FRMD6: variants seen among roughly 807,000 people sequenced by gnomAD.
FRMD6 encodes the protein FERM domain containing 6, also known as FERM domain-containing protein 6.
Under a neutral mutation model 73.2 loss-of-function variants are expected in FRMD6, and 37 were observed. The observed-to-expected ratio is 0.51, with a 90% CI of 0.39 to 0.66. FRMD6 has a LOEUF of 0.66. Ranked by LOEUF, FRMD6 falls within the 30% of genes least tolerant of loss-of-function variation. FRMD6 has a pLI of 0.00. For synonymous variants in FRMD6, 273 were observed against 282.2 expected (o/e 0.97, Z 0.33); for missense variants, 714 against 780.5 (o/e 0.91, Z 1.02).
At chr14:51,628,216 C>G (rs775373455) in intron 2 of FRMD6, among the ~76,000 whole-genome samples, 7 of 152,120 alleles carry the variant, frequency 4.6e-5, no homozygotes, top group Non-Finnish European at 1.5e-5. Flanking sequence ...AGAGTACAAT[C>G]TATGATATTC....
chr14:51,426,840 G>T, the FRMD6 span, among the ~76,000 whole-genome samples: 1 of 152,148 alleles, frequency 6.6e-6, no homozygotes, highest in East Asian at 1.9e-4. Flanking sequence ...GCAGGCTGTT[G>T]TGAGGAATGG....
the FRMD6 span, among the ~76,000 whole-genome samples, chr14:51,467,572 G>A: frequency 3.0e-4 from 46 of 151,954 alleles, 1 homozygote; most frequent in East Asian, 5.8e-3. Context: ...CCTCCCGGAC[G>A]GGGCGGCTGC....
At chr14:51,710,037 C>T (rs1272883987) in intron 7 of FRMD6, among the ~76,000 whole-genome samples, 13 of 152,102 alleles carry the variant, frequency 8.5e-5, no homozygotes, top group Admixed American at 8.5e-4. Flanking sequence ...GCCTTATTTG[C>T]TGGGGAAGCT....
chr14:51,530,783 G>A lies in FRMD6; in HGVS notation c.-209-39565G>A, dbSNP rs879861073. On this transcript the variant is annotated intron_variant, in intron 1 of 14. Transcript: ENST00000356218. ...ATTACAGGCAGGAACCACCATACCC[G>A]GCTGCAAGATATTTATTAATTAGAA... Among the ~76,000 whole-genome samples the A allele has an allele frequency of 4.6e-5, 7 of 152,052 alleles. No homozygotes were observed. The East Asian group carries it at 5.8e-4, about 13-fold the overall frequency.
intron 2 of FRMD6, among the ~76,000 whole-genome samples, chr14:51,618,644 G>T (rs548357992): frequency 8.1e-4 from 124 of 152,252 alleles, no homozygotes; most frequent in Middle Eastern, 3.4e-3. Flanking sequence ...AGGGCTGAGA[G>T]GTATCAAGAA....
At chr14:51,504,663 C>T (rs1883844919) in intron 1 of FRMD6, among the ~76,000 whole-genome samples, 1 of 152,150 alleles carries the variant, frequency 6.6e-6, no homozygotes, top group African/African-American at 2.4e-5. Context: ...TAAATCAGAT[C>T]CTGCTACTGC....
chr14:51,681,165 A>G (rs1030318145), intron 1 of FRMD6, among the ~76,000 whole-genome samples: 2 of 152,220 alleles, frequency 1.3e-5, no homozygotes, highest in Admixed American at 1.3e-4. Flanking sequence ...ATGCAAGTCC[A>G]CTTTAATTGG....
At chr14:51,427,663 G>A in the FRMD6 span, among the ~76,000 whole-genome samples, 1 of 152,204 alleles carries the variant, frequency 6.6e-6, no homozygotes, top group Non-Finnish European at 1.5e-5. Context: ...CAAACATGCT[G>A]TTCCCGTGTT....
At chr14:51,617,339 G>A (rs1051426898) in intron 2 of FRMD6, among the ~76,000 whole-genome samples, 3 of 152,228 alleles carry the variant, frequency 2.0e-5, no homozygotes, top group Admixed American at 6.5e-5. Context: ...AAGAGAGAAG[G>A]CAGAGAGAGC....
chr14:51,402,732 G>A, the FRMD6 span, among the ~76,000 whole-genome samples: 4 of 150,728 alleles, frequency 2.7e-5, no homozygotes, highest in African/African-American at 4.9e-5. Flanking sequence ...TCTGCCACCC[G>A]GGTTCACGCC....
chr14:51,412,414 T>G, the FRMD6 span, among the ~76,000 whole-genome samples: 1 of 152,110 alleles, frequency 6.6e-6, no homozygotes, highest in Non-Finnish European at 1.5e-5. Context: ...TGCCTTTCTC[T>G]GAAGATGATT....
At chr14:51,528,884 T>C (rs1001965932) in intron 1 of FRMD6, among the ~76,000 whole-genome samples, 5 of 152,058 alleles carry the variant, frequency 3.3e-5, no homozygotes, top group Admixed American at 3.3e-4. Context: ...CCCCTTAACA[T>C]CCCCCAGTTT....
rs376235687 is a variant in FRMD6 at position 51,701,165 on chromosome 14, A to T, written c.294+6A>T. 27 of 1,502,358 alleles carry T rather than the reference A, an allele frequency of 1.8e-5. No individual in the cohort carries two copies. In the African/African-American group the frequency reaches 3.4e-4, roughly 19 times the overall value. 93.1% of individuals were successfully genotyped at this position (1,502,358 alleles called of 1,614,324 possible). A position where few individuals can be genotyped will look rare whatever the true frequency, so the allele number is the denominator to read the frequency against. On this transcript the variant is annotated splice_donor_region_variant and intron_variant, in intron 4 of 13. Coordinates refer to ENST00000344768, the MANE Select transcript of FRMD6 (RefSeq NM_001267046.2). ...GACAATACGAAGTCACTTGGGTGAG[A>T]TTACATTTATAAGCAAAATTATTTT...
Position 51,712,521 on chromosome 14 carries a change from C to T in FRMD6, c.819C>T (p.Pro273=), listed in dbSNP as rs1897001517. The T allele has an allele frequency of 2.5e-6, 4 of 1,603,226 alleles. No homozygotes were observed. The South Asian group carries it at 4.4e-5, about 18-fold the overall frequency. The part of the protein sequence containing the change: ...DEEKQLLYDF[P]WTNVGKLVFV... ...AGAAACAATTACTTTATGATTTCCCCTGGACAAATGTTGGAAAATTGGTGT... is the reference window on the plus strand; with the variant it reads ...AGAAACAATTACTTTATGATTTCCCTTGGACAAATGTTGGAAAATTGGTGT... Residue 273 remains proline, a synonymous_variant, in exon 9 of 14, where the codon CCC becomes CCT. Transcript: ENST00000344768.
chr14:51,665,635 A>G (rs1827169408), intron 1 of FRMD6, among the ~76,000 whole-genome samples: 1 of 152,132 alleles, frequency 6.6e-6, no homozygotes, highest in Admixed American at 6.5e-5. Context: ...AACACCTATC[A>G]AATTTATTTT....
chr14:51,437,864 T>C, the FRMD6 span, among the ~76,000 whole-genome samples: 2 of 152,174 alleles, frequency 1.3e-5, no homozygotes, highest in African/African-American at 4.8e-5. Flanking sequence ...CTGAACTCTG[T>C]GGGAAAAAAG....
intron 2 of FRMD6, among the ~76,000 whole-genome samples, chr14:51,577,958 A>G (rs183012277): frequency 6.6e-6 from 1 of 152,142 alleles, no homozygotes; most frequent in Admixed American, 6.6e-5. Flanking sequence ...CATTATACCA[A>G]TAGGGCCTAC....
At chr14:51,558,727 A>G (rs529845195) in intron 1 of FRMD6, among the ~76,000 whole-genome samples, 44 of 152,308 alleles carry the variant, frequency 2.9e-4, no homozygotes, top group African/African-American at 1.0e-3. Flanking sequence ...ACATGTGGTA[A>G]CATAGTAGCC....
At chr14:51,560,851 T>C (rs1174844895) in intron 1 of FRMD6, among the ~76,000 whole-genome samples, 1 of 152,190 alleles carries the variant, frequency 6.6e-6, no homozygotes, top group Non-Finnish European at 1.5e-5. Context: ...CCATGACCTG[T>C]TCACCCACAA....
Sources: gnomAD v4.1 joint callset for allele counts (sites outside exome capture counted in the v4.1 genomes callset) on GRCh38, gnomAD v4.1.1 for gene constraint, MANE v1.5 for transcripts, NCBI Gene and HGNC (gene_info 2026-07-23, HGNC 2026-07-21) for gene names.